Variants in MACROD2 observed in about 807,000 individuals in gnomAD.
The protein encoded by MACROD2 is ADP-ribose glycohydrolase MACROD2.
In MACROD2, 36 loss-of-function variants were observed where a neutral mutation model predicts 70.4. The observed-to-expected ratio is 0.51, with a 90% CI of 0.39 to 0.68. The LOEUF (loss-of-function observed/expected upper bound fraction) is 0.68, where lower values mean the gene tolerates loss of function less well. Ranked by LOEUF, MACROD2 falls within the 30% of genes least tolerant of loss-of-function variation. MACROD2 has a pLI of 0.00. For missense variants in MACROD2, 496 were observed against 538.4 expected, an observed-to-expected ratio of 0.92 and a Z score of 0.78; for synonymous variants, 172 against 178.8, an observed-to-expected ratio of 0.96 and a Z score of 0.30.
At chr20:14,634,030 C>T (rs774024452) in intron 4 of MACROD2, among the ~76,000 whole-genome samples, 15 of 152,200 alleles carry the variant, frequency 9.9e-5, no homozygotes, top group Non-Finnish European at 1.8e-4. Context: ...CTGATGCTCT[C>T]CTCACCTGAC....
At chr20:15,298,819 T>C (rs2077615298) in intron 6 of MACROD2, among the ~76,000 whole-genome samples, 2 of 152,196 alleles carry the variant, frequency 1.3e-5, no homozygotes, top group South Asian at 4.1e-4. Flanking sequence ...TGTTTTGCAC[T>C]CTTCACATAT....
chr20:14,700,286 C>T (rs760033991), intron 5 of MACROD2, among the ~76,000 whole-genome samples: 13 of 151,812 alleles, frequency 8.6e-5, no homozygotes, highest in Non-Finnish European at 1.8e-4. Flanking sequence ...CATGCAAGAT[C>T]TTAGGTGCTG....
chr20:15,955,994 A>G lies in MACROD2; in HGVS notation c.908-11559A>G, dbSNP rs553874611. ...AGGAAAAAAAAACTAAAAATAAATT[A>G]TTGATACAATATTTTACATTCTTTG... On this transcript the variant is annotated intron_variant, in intron 12 of 17. Coordinates refer to ENST00000684519, the MANE Select transcript of MACROD2 (RefSeq NM_001351661.2). Among the ~76,000 whole-genome samples the G allele has an allele frequency of 4.6e-5, 7 of 152,300 alleles. No homozygotes were observed. The East Asian group carries it at 1.2e-3, about 25-fold the overall frequency.
At chr20:14,417,044 TATTATCTATCTATCTATCTATC>T (rs2083813915) in intron 3 of MACROD2, among the ~76,000 whole-genome samples, 1 of 130,738 alleles carries the variant, frequency 7.6e-6, no homozygotes, top group Non-Finnish European at 1.7e-5. Context: ...TATATCTATC[TATTATCTATCTATCTATCTATC>T]ATCTATCTAT....
chr20:15,154,112 G>T (rs2076290501), intron 5 of MACROD2, among the ~76,000 whole-genome samples: 2 of 152,166 alleles, frequency 1.3e-5, no homozygotes, highest in Non-Finnish European at 2.9e-5. Context: ...CTCTGGCCAT[G>T]AAGAATCCTG....
In MACROD2 at chr20:15,131,593, G is replaced by A. The variant is rs184341454; in HGVS notation, c.419-98347G>A. Reference sequence around the variant, plus strand: ...TTGAGGATTACAGGAAGTAAATATTGTAAATTTTGACAACATACAAAATTA... The same window carrying A: ...TTGAGGATTACAGGAAGTAAATATTATAAATTTTGACAACATACAAAATTA... On this transcript the variant is annotated intron_variant, in intron 5 of 17. Transcript: ENST00000684519. Among the ~76,000 whole-genome samples the A allele has an allele frequency of 2.0e-5, 3 of 152,132 alleles. No homozygotes were observed. The East Asian group carries it at 5.8e-4, about 29-fold the overall frequency.
At chr20:14,859,087 AG>A (rs532415932) in intron 5 of MACROD2, among the ~76,000 whole-genome samples, 126 of 152,012 alleles carry the variant, frequency 8.3e-4, no homozygotes, top group African/African-American at 2.8e-3. Context: ...GAAGGTTGGG[AG>A]GGGGGTGAGC....
intron 5 of MACROD2, among the ~76,000 whole-genome samples, chr20:14,863,412 C>T (rs1463587263): frequency 3.3e-5 from 5 of 152,056 alleles, no homozygotes; most frequent in East Asian, 1.9e-4. Context: ...AGTAAAGGAA[C>T]GATTCTTACA....
At chr20:14,911,945 A>G (rs1212158634) in intron 5 of MACROD2, among the ~76,000 whole-genome samples, 1 of 152,030 alleles carries the variant, frequency 6.6e-6, no homozygotes, top group Non-Finnish European at 1.5e-5. Flanking sequence ...AGGCATTCTG[A>G]CTCTAGAGCC....
chr20:14,047,724 G>A (rs1226911267), intron 2 of MACROD2, among the ~76,000 whole-genome samples: 3 of 152,134 alleles, frequency 2.0e-5, no homozygotes, highest in Non-Finnish European at 2.9e-5. Flanking sequence ...CATTATGAGA[G>A]AAAAGTTTGA....
chr20:15,146,133 T>C (rs571186269), intron 5 of MACROD2, among the ~76,000 whole-genome samples: 23 of 152,282 alleles, frequency 1.5e-4, no homozygotes, highest in African/African-American at 5.5e-4. Flanking sequence ...AATTTTCGGT[T>C]GTTTCATAAA....
At chr20:14,104,704 C>A (rs2054345791) in intron 3 of MACROD2, among the ~76,000 whole-genome samples, 2 of 152,188 alleles carry the variant, frequency 1.3e-5, no homozygotes, top group Non-Finnish European at 2.9e-5. Flanking sequence ...GAGCACTTCT[C>A]CCTTTGCATC....
At position 14,411,304 on chromosome 20, in the gene MACROD2, A is replaced by T. The variant is rs984433528; in HGVS notation, c.272-82175A>T. On this transcript the variant is annotated intron_variant, in intron 3 of 17. Coordinates refer to ENST00000684519, the MANE Select transcript of MACROD2 (RefSeq NM_001351661.2). ...TAAGAAATCTATCACACTTTTGAGG[A>T]TCCATTAGGGATAAGGGTTAGGGAG... Among the ~76,000 whole-genome samples the T allele has an allele frequency of 3.9e-5, 6 of 152,168 alleles. No homozygotes were observed. In the East Asian group the frequency reaches 5.8e-4, roughly 15 times the overall value.
chr20:16,020,979 A>G (rs1220920557), intron 15 of MACROD2, among the ~76,000 whole-genome samples: 2 of 152,292 alleles, frequency 1.3e-5, no homozygotes, highest in East Asian at 3.9e-4. Context: ...AGAAAAATAA[A>G]GCTTCCTGGT....
chr20:14,850,900 A>T (rs1183360564), intron 5 of MACROD2, among the ~76,000 whole-genome samples: 1 of 152,130 alleles, frequency 6.6e-6, no homozygotes, highest in Non-Finnish European at 1.5e-5. Flanking sequence ...TGTTTTAGAG[A>T]GTGATGAATA....
chr20:14,960,782 G>T (rs1220599854), intron 5 of MACROD2, among the ~76,000 whole-genome samples: 1 of 151,996 alleles, frequency 6.6e-6, no homozygotes, highest in East Asian at 1.9e-4. Flanking sequence ...TCCTTTGGAA[G>T]GGGGGCTTCT....
chr20:15,705,439 A>G (rs1466802108), intron 8 of MACROD2, among the ~76,000 whole-genome samples: 1 of 151,620 alleles, frequency 6.6e-6, no homozygotes, highest in African/African-American at 2.4e-5. Context: ...TTTTTTTTTT[A>G]AATGGAGTCT....
intron 6 of MACROD2, among the ~76,000 whole-genome samples, chr20:15,256,570 A>T (rs1382880505): frequency 6.6e-6 from 1 of 152,062 alleles, no homozygotes; most frequent in Non-Finnish European, 1.5e-5. Flanking sequence ...ATCGAACTGG[A>T]AAAAGAAATG....
rs559929878 is a variant in MACROD2, at chr20:14,290,063, G to A, written c.272-203416G>A. On this transcript the variant is annotated intron_variant, in intron 3 of 17. Coordinates refer to ENST00000684519, the MANE Select transcript of MACROD2 (RefSeq NM_001351661.2). ...CAGTGAGGGAGAAGGTGCTAATCAT[G>A]CACTAAAGAAAGTGAAAAGGAAAGT... Among the ~76,000 whole-genome samples, 69 of 152,250 alleles carry A rather than the reference G, an allele frequency of 4.5e-4. No homozygotes were observed. The Middle Eastern group carries it at 0.014, about 30-fold the overall frequency.
Sources: gnomAD v4.1 joint callset for allele counts (sites outside exome capture counted in the v4.1 genomes callset) on GRCh38, gnomAD v4.1.1 for gene constraint, MANE v1.5 for transcripts, NCBI Gene and HGNC (gene_info 2026-07-23, HGNC 2026-07-21) for gene names.